ERBB4: variants seen among roughly 807,000 people sequenced by gnomAD.
ERBB4 encodes the protein erb-b2 receptor tyrosine kinase 4, also known as receptor tyrosine-protein kinase erbB-4.
ERBB4 carries 42 observed loss-of-function variants against 158.0 expected under a neutral mutation model. The observed-to-expected ratio is 0.27, with a 90% CI of 0.21 to 0.34. The LOEUF is 0.34. Among genes scored for constraint, ERBB4 ranks in the 10% least tolerant of loss-of-function variants. ERBB4 has a pLI of 1.00. For missense variants in ERBB4, 1,333 were observed against 1,624.1 expected, an observed-to-expected ratio of 0.82 and a Z score of 3.08; for synonymous variants, 583 against 558.7, an observed-to-expected ratio of 1.04 and a Z score of -0.61.
At chr2:211,595,595 G>C (rs1472296261) in intron 19 of ERBB4, among the ~76,000 whole-genome samples, 1 of 152,082 alleles carries the variant, frequency 6.6e-6, no homozygotes, top group Non-Finnish European at 1.5e-5. Context: ...ATAGTTATAA[G>C]AACCAGATGT....
chr2:212,435,642 A>C (rs915072550), intron 1 of ERBB4, among the ~76,000 whole-genome samples: 3 of 151,968 alleles, frequency 2.0e-5, no homozygotes, highest in African/African-American at 7.2e-5. Context: ...ATAAAAGCTA[A>C]ACTTTATCAT....
chr2:212,348,093 T>C (rs1485872942), intron 1 of ERBB4, among the ~76,000 whole-genome samples: 2 of 152,118 alleles, frequency 1.3e-5, no homozygotes, highest in Non-Finnish European at 2.9e-5. Context: ...AATAAAATTT[T>C]TATTTTATAA....
chr2:211,925,099 G>A (rs757385052), intron 3 of ERBB4, among the ~76,000 whole-genome samples: 25 of 152,068 alleles, frequency 1.6e-4, no homozygotes, highest in Non-Finnish European at 2.8e-4. Flanking sequence ...CAAAAGCTTT[G>A]CAGTTCAGAA....
intron 19 of ERBB4, among the ~76,000 whole-genome samples, chr2:211,612,397 A>T (rs1304315433): frequency 1.3e-5 from 2 of 151,864 alleles, no homozygotes; most frequent in Non-Finnish European, 2.9e-5. Flanking sequence ...TACAATTAAA[A>T]ACTAAGATAA....
At chr2:212,103,626 T>A (rs930225799) in intron 2 of ERBB4, among the ~76,000 whole-genome samples, 11 of 152,022 alleles carry the variant, frequency 7.2e-5, no homozygotes, top group African/African-American at 1.2e-4. Flanking sequence ...ACACCAAATT[T>A]TAAAACTACT....
chr2:212,179,680 G>C (rs1001601439), intron 1 of ERBB4, among the ~76,000 whole-genome samples: 1 of 151,542 alleles, frequency 6.6e-6, no homozygotes, highest in Non-Finnish European at 1.5e-5. Flanking sequence ...GTGCTAATAT[G>C]AATGTAACTG....
chr2:212,168,119 A>T (rs1364192425), intron 1 of ERBB4, among the ~76,000 whole-genome samples: 1 of 151,944 alleles, frequency 6.6e-6, no homozygotes, highest in Admixed American at 6.6e-5. Flanking sequence ...CTATTGTTGG[A>T]AAAACTGGTG....
chr2:212,281,569 G>A (rs1395746937), intron 1 of ERBB4, among the ~76,000 whole-genome samples: 1 of 151,630 alleles, frequency 6.6e-6, no homozygotes, highest in Non-Finnish European at 1.5e-5. Context: ...CCAGCCATTT[G>A]GGTCACTCTG....
intron 1 of ERBB4, among the ~76,000 whole-genome samples, chr2:212,246,328 C>T (rs937042030): frequency 2.0e-5 from 3 of 152,202 alleles, no homozygotes; most frequent in Non-Finnish European, 2.9e-5. Flanking sequence ...AATACGGCCA[C>T]ATGACTAATA....
intron 2 of ERBB4, among the ~76,000 whole-genome samples, chr2:212,087,192 C>CACAA (rs943739597): frequency 3.3e-5 from 5 of 151,892 alleles, no homozygotes; most frequent in African/African-American, 1.2e-4. Flanking sequence ...CACACACACA[C>CACAA]AAATATCTTC....
At chr2:211,466,185 A>G (rs1415086064) in intron 20 of ERBB4, among the ~76,000 whole-genome samples, 1 of 152,144 alleles carries the variant, frequency 6.6e-6, no homozygotes, top group African/African-American at 2.4e-5. Context: ...CAAACGCTTT[A>G]TGAAGTCTTT....
chr2:211,749,707 T>C (rs1198059431), intron 5 of ERBB4, among the ~76,000 whole-genome samples: 1 of 152,154 alleles, frequency 6.6e-6, no homozygotes, highest in Non-Finnish European at 1.5e-5. Flanking sequence ...ATCTAGCAAA[T>C]AGAACTAGAC....
At chr2:212,064,664 C>A (rs962798483) in intron 2 of ERBB4, among the ~76,000 whole-genome samples, 2 of 151,954 alleles carry the variant, frequency 1.3e-5, no homozygotes, top group African/African-American at 4.8e-5. Flanking sequence ...GGTGGGCAAG[C>A]AGTGTTTACT....
At chr2:212,432,003 C>G (rs74605536) in intron 1 of ERBB4, among the ~76,000 whole-genome samples, 3 of 152,154 alleles carry the variant, frequency 2.0e-5, no homozygotes, top group African/African-American at 7.2e-5. Flanking sequence ...TCTACCAAAT[C>G]AAGGATTTTT....
intron 3 of ERBB4, among the ~76,000 whole-genome samples, chr2:211,944,189 ATATATATATACTAT>A (rs1243721735): frequency 2.7e-4 from 14 of 51,722 alleles, no homozygotes; most frequent in Admixed American, 1.2e-3. Context: ...ATATATATAT[ATATATATATACTAT>A]ATATATATAT....
intron 1 of ERBB4, among the ~76,000 whole-genome samples, chr2:212,422,939 G>A (rs1158285260): frequency 6.6e-6 from 1 of 152,092 alleles, no homozygotes; most frequent in Admixed American, 6.6e-5. Context: ...ATTGCTAACA[G>A]CTGGTTAATA....
chr2:211,683,316 G>C lies in ERBB4; in HGVS notation c.1490-4132C>G, dbSNP rs553663867. ...AATTTTGTACTTGTATCTTCACACT[G>C]ACTTGTCTCCCACCTTCCCTTTAAA... On this transcript the variant is annotated intron_variant, in intron 12 of 27. Coordinates refer to ENST00000342788, the MANE Select transcript of ERBB4 (RefSeq NM_005235.3). Among the ~76,000 whole-genome samples, 17 of 152,136 alleles carry C rather than the reference G, an allele frequency of 1.1e-4. No homozygotes were observed. The South Asian group carries it at 2.1e-3, about 19-fold the overall frequency.
At position 211,541,510 on chromosome 2, in the gene ERBB4, C is replaced by A. The variant is rs2066808801; in HGVS notation, c.2487+20393G>T. Among the ~76,000 whole-genome samples the A allele has an allele frequency of 1.3e-5, 2 of 151,972 alleles. 1 individual carries two copies. The highest frequency in any genetic ancestry group is 4.1e-4 in the South Asian group (2 of 4,828). On this transcript the variant is annotated intron_variant, in intron 20 of 27. Transcript: ENST00000342788. Reference sequence around the variant, plus strand: ...TGAATATTCCTATCAGATCATGTAGCTGCTGCCCTTTTCTTTAGCAATGGT... The same window carrying A: ...TGAATATTCCTATCAGATCATGTAGATGCTGCCCTTTTCTTTAGCAATGGT...
At chr2:211,998,486 T>C (rs2076023335) in intron 2 of ERBB4, among the ~76,000 whole-genome samples, 3 of 144,778 alleles carry the variant, frequency 2.1e-5, no homozygotes, top group African/African-American at 7.7e-5. Flanking sequence ...GACCCAGGTA[T>C]ATCTGACTCC....
Sources: allele counts gnomAD v4.1 joint callset (sites outside exome capture counted in the v4.1 genomes callset), GRCh38; gene constraint gnomAD v4.1.1; transcripts MANE v1.5; gene names NCBI Gene and HGNC (gene_info 2026-07-23, HGNC 2026-07-21).